Variants in KAT6B observed in about 807,000 individuals in gnomAD.
KAT6B encodes the protein lysine acetyltransferase 6B.
A neutral mutation model predicts 187.5 loss-of-function variants in KAT6B; 10 were observed. The ratio of observed to expected loss-of-function variants is 0.05; its 90% confidence interval spans 0.03 to 0.09. KAT6B has a LOEUF of 0.09. Ranked by LOEUF, KAT6B falls within the 10% of genes least tolerant of loss-of-function variation. The pLI is 1.00. For synonymous variants in KAT6B, 861 were observed against 926.8 expected (o/e 0.93, Z 1.29); for missense variants, 1,952 against 2,558.9 (o/e 0.76, Z 5.12).
chr10:75,023,830 ACT>A, intron 16 of KAT6B: 1 of 151,770 alleles, frequency 6.6e-6, no homozygotes, highest in South Asian at 2.1e-4. Flanking sequence ...ACAAAGCAAG[ACT>A]CTGTCTCTAT....
At chr10:74,940,669 A>C in intron 3 of KAT6B, among the ~76,000 whole-genome samples, 1 of 151,732 alleles carries the variant, frequency 6.6e-6, no homozygotes, top group East Asian at 1.9e-4. Context: ...TAACTTCAAA[A>C]TTCTGGGCTT....
intron 13 of KAT6B, among the ~76,000 whole-genome samples, chr10:75,017,170 G>A (rs918315736): frequency 4.0e-5 from 6 of 151,682 alleles, no homozygotes; most frequent in African/African-American, 1.5e-4. Context: ...GCCAAGATAA[G>A]TGTTTTTTAT....
chr10:74,895,173 C>G (rs1484134700), intron 3 of KAT6B, among the ~76,000 whole-genome samples: 1 of 151,670 alleles, frequency 6.6e-6, no homozygotes, highest in Non-Finnish European at 1.5e-5. Flanking sequence ...TGCTTCTTGC[C>G]CATTTGTATA....
rs142131679 is a variant in KAT6B at position 74,989,094 on chromosome 10, C to T, written c.2611C>T (p.Arg871Trp). 4.9e-5 allele frequency: 79 copies of T among 1,612,244 alleles called. No homozygotes were observed. The highest frequency in any genetic ancestry group is 1.1e-4 in the African/African-American group (8 of 74,854). ...MPQHQRQGFG[R>W]FLIDFSYLLS... ...CCAGCACCAAAGGCAAGGATTTGGA[C>T]GGTTTCTCATTGATTTCAGTAAGTG... Residue 871 changes from arginine to tryptophan, a missense_variant, in exon 13 of 18, where the codon CGG becomes TGG. This residue lies in a region of KAT6B where 87 missense variants were observed against 191.8 expected (regional missense o/e 0.45). Coordinates refer to ENST00000287239, the MANE Select transcript of KAT6B (RefSeq NM_012330.4).
chr10:74,848,241 G>T (rs1161012383), intron 3 of KAT6B, among the ~76,000 whole-genome samples: 1 of 152,204 alleles, frequency 6.6e-6, no homozygotes, highest in Non-Finnish European at 1.5e-5. Flanking sequence ...TCTATGGCTA[G>T]GGTCTATAGC....
At chr10:75,028,336 C>T (rs1045613769) in intron 17 of KAT6B, among the ~76,000 whole-genome samples, 153 bp from the exon 18 acceptor site, 1 of 152,240 alleles carries the variant, frequency 6.6e-6, no homozygotes, top group Non-Finnish European at 1.5e-5. Flanking sequence ...TATTATTACA[C>T]ATTAGCCTTG....
chr10:74,966,546 T>C (rs892395093), intron 4 of KAT6B, among the ~76,000 whole-genome samples: 11 of 152,250 alleles, frequency 7.2e-5, no homozygotes, highest in African/African-American at 2.2e-4. Context: ...TAAATAGTAT[T>C]CCTTTGGTTT....
chr10:74,826,217 C>T (rs944393583), upstream of KAT6B, among the ~76,000 whole-genome samples: 7 of 150,590 alleles, frequency 4.6e-5, no homozygotes, highest in African/African-American at 1.7e-4. Flanking sequence ...TCCTCTGCTG[C>T]GAGTAGACCC....
At chr10:74,932,643 T>C (rs1341332615) in intron 3 of KAT6B, among the ~76,000 whole-genome samples, 1 of 152,158 alleles carries the variant, frequency 6.6e-6, no homozygotes, top group Non-Finnish European at 1.5e-5. Context: ...AATGAGGGAA[T>C]GGGGGGCCAA....
intron 1 of KAT6B, among the ~76,000 whole-genome samples, chr10:74,832,579 G>A (rs970180526): frequency 2.0e-5 from 3 of 152,020 alleles, no homozygotes; most frequent in African/African-American, 7.2e-5. Context: ...TTGGCTCACT[G>A]CAACCTCCAC....
chr10:75,015,594 A>G (rs1009388481), intron 13 of KAT6B, among the ~76,000 whole-genome samples: 1 of 152,230 alleles, frequency 6.6e-6, no homozygotes, highest in Non-Finnish European at 1.5e-5. Flanking sequence ...ATCTCCAAGC[A>G]TGAGATAACT....
chr10:74,825,975 C>T (rs983346979), upstream of KAT6B, among the ~76,000 whole-genome samples: 2 of 151,328 alleles, frequency 1.3e-5, no homozygotes, highest in Non-Finnish European at 2.9e-5. The surrounding 1 kb of genome is among the most constrained non-coding windows in gnomAD (Gnocchi z 5.0). Flanking sequence ...CCGGGCGGCG[C>T]GCCCGTCCGC....
At chr10:74,886,137 G>A (rs1460399168) in intron 3 of KAT6B, among the ~76,000 whole-genome samples, 2 of 152,196 alleles carry the variant, frequency 1.3e-5, no homozygotes. Flanking sequence ...GATGGTTGGG[G>A]CTGTAACAGG....
At chr10:74,999,137 TGGAG>T (rs1274283821) in intron 13 of KAT6B, among the ~76,000 whole-genome samples, 1 of 152,212 alleles carries the variant, frequency 6.6e-6, no homozygotes, top group African/African-American at 2.4e-5. Context: ...CCAGAGTCAA[TGGAG>T]GCCTGACAGT....
chr10:74,923,835 T>A (rs1285660476), intron 3 of KAT6B, among the ~76,000 whole-genome samples: 12 of 152,174 alleles, frequency 7.9e-5, no homozygotes, highest in Admixed American at 7.9e-4. Flanking sequence ...TGATTTGACT[T>A]AACGTTTTAA....
chr10:74,902,148 A>G (rs1289539475), intron 3 of KAT6B, among the ~76,000 whole-genome samples: 1 of 152,118 alleles, frequency 6.6e-6, no homozygotes, highest in Non-Finnish European at 1.5e-5. Context: ...TCTCTAGCCC[A>G]TAGCTCCTCT....
chr10:74,855,783 C>G (rs971142151), intron 3 of KAT6B, among the ~76,000 whole-genome samples: 11 of 152,148 alleles, frequency 7.2e-5, no homozygotes, highest in African/African-American at 1.2e-4. Flanking sequence ...AGTAAACACT[C>G]TATTTCTTTC....
At chr10:75,012,785 A>C (rs184253427) in intron 13 of KAT6B, among the ~76,000 whole-genome samples, 4 of 152,338 alleles carry the variant, frequency 2.6e-5, no homozygotes, top group Non-Finnish European at 5.9e-5. Context: ...CCATCTGGTA[A>C]ATCCCAGCAT....
intron 3 of KAT6B, among the ~76,000 whole-genome samples, chr10:74,858,494 T>A (rs927694000): frequency 2.0e-5 from 3 of 151,632 alleles, no homozygotes; most frequent in African/African-American, 7.3e-5. Context: ...CCCGGGCTGG[T>A]CTCGAACTCC....
Sources: allele counts gnomAD v4.1 joint callset (sites outside exome capture counted in the v4.1 genomes callset), GRCh38; gene constraint gnomAD v4.1.1; regional missense constraint gnomAD v4.1.1; non-coding constraint Gnocchi (gnomAD v3.1); transcripts MANE v1.5; gene names NCBI Gene and HGNC (gene_info 2026-07-23, HGNC 2026-07-21).